Variants in TCERG1L observed in about 807,000 individuals in gnomAD.
TCERG1L encodes transcription elongation regulator 1 like, also known as transcription elongation regulator 1-like protein.
In TCERG1L, 37 loss-of-function variants were observed where a neutral mutation model predicts 56.3. The ratio of observed to expected loss-of-function variants is 0.66; its 90% confidence interval spans 0.51 to 0.87. The LOEUF (loss-of-function observed/expected upper bound fraction) is 0.87, where lower values mean the gene tolerates loss of function less well. Among genes scored for constraint, TCERG1L ranks in the 40% least tolerant of loss-of-function variants. The pLI is 0.00. For missense variants in TCERG1L, 799 were observed against 774.2 expected, an observed-to-expected ratio of 1.03 and a Z score of -0.38; for synonymous variants, 324 against 326.3, an observed-to-expected ratio of 0.99 and a Z score of 0.08.
At chr10:131,280,557 T>C (rs980786032) in intron 3 of TCERG1L, among the ~76,000 whole-genome samples, 21 of 152,090 alleles carry the variant, frequency 1.4e-4, no homozygotes, top group Admixed American at 1.4e-3. Flanking sequence ...TGAGTGGTGA[T>C]TTTGAATAGA....
chr10:131,118,959 T>C lies in TCERG1L; in HGVS notation c.1260-2025A>G, dbSNP rs1845486537. Among the ~76,000 whole-genome samples, 1 of 152,182 alleles carries C rather than the reference T, an allele frequency of 6.6e-6. No homozygotes were observed. The highest frequency in any genetic ancestry group is 1.5e-5 in the Non-Finnish European group (1 of 68,030). ...AGAGCCGGGATGCTGTGAAATGTCCTGCAATGCACAGGACAGCCCCCACCA... is the reference window on the plus strand; with the variant it reads ...AGAGCCGGGATGCTGTGAAATGTCCCGCAATGCACAGGACAGCCCCCACCA... On this transcript the variant is annotated intron_variant, in intron 8 of 11. Transcript: ENST00000368642. The surrounding 1 kb of genome is among the most constrained non-coding windows in gnomAD (Gnocchi z 4.2).
intron 4 of TCERG1L, among the ~76,000 whole-genome samples, chr10:131,247,348 G>A (rs575680503): frequency 1.3e-5 from 2 of 152,172 alleles, no homozygotes; most frequent in African/African-American, 4.8e-5. Context: ...TTATATCCTC[G>A]CCTTCCTTTC....
At chr10:131,198,251 A>G (rs1241549776) in intron 4 of TCERG1L, among the ~76,000 whole-genome samples, 2 of 152,248 alleles carry the variant, frequency 1.3e-5, no homozygotes, top group Non-Finnish European at 2.9e-5. Context: ...TCTGATAGAA[A>G]AGAACTCAAA....
At chr10:131,127,405 G>C (rs529830080) in intron 8 of TCERG1L, among the ~76,000 whole-genome samples, 28 of 152,298 alleles carry the variant, frequency 1.8e-4, no homozygotes, top group African/African-American at 6.3e-4. Context: ...GGCAGCCCCC[G>C]GGCCTCTGCG....
At chr10:131,125,722 T>C (rs896414450) in intron 8 of TCERG1L, among the ~76,000 whole-genome samples, 5 of 152,068 alleles carry the variant, frequency 3.3e-5, no homozygotes, top group Admixed American at 1.3e-4. Context: ...ACGTGGATGG[T>C]CAGGATTCAC....
At chr10:131,191,170 A>T (rs1382739204) in intron 4 of TCERG1L, among the ~76,000 whole-genome samples, 1 of 144,328 alleles carries the variant, frequency 6.9e-6, no homozygotes, top group Non-Finnish European at 1.5e-5. Context: ...AATATACTTC[A>T]TCCAGGAGGT....
At chr10:131,181,523 C>A (rs1036458101) in intron 4 of TCERG1L, among the ~76,000 whole-genome samples, 5 of 152,258 alleles carry the variant, frequency 3.3e-5, no homozygotes, top group African/African-American at 1.2e-4. Flanking sequence ...GACAGAGACG[C>A]TAAACATTCA....
Position 131,265,000 on chromosome 10 carries a change from G to A in TCERG1L, c.671-4556C>T, listed in dbSNP as rs560763124. 2.0e-5 allele frequency among the ~76,000 whole-genome samples: 3 copies of A among 152,236 alleles called. No individual in the cohort carries two copies. In the South Asian group the frequency reaches 6.2e-4, roughly 32 times the overall value. ...GTCCTCCGACTTCAGACTCTTGCCT[G>A]TCCCAGCCGAGCCCTTAATTAAGAA... is the stretch of plus-strand genomic sequence containing the variant. On this transcript the variant is annotated intron_variant, in intron 3 of 11. Coordinates refer to ENST00000368642, the MANE Select transcript of TCERG1L (RefSeq NM_174937.4).
chr10:131,251,876 C>T (rs1589762131), intron 4 of TCERG1L, among the ~76,000 whole-genome samples: 1 of 152,328 alleles, frequency 6.6e-6, no homozygotes, highest in East Asian at 1.9e-4. Context: ...TCACCACCAT[C>T]CACACTCCGA....
At chr10:131,230,229 G>C (rs911203445) in intron 4 of TCERG1L, among the ~76,000 whole-genome samples, 1 of 151,992 alleles carries the variant, frequency 6.6e-6, no homozygotes, top group Non-Finnish European at 1.5e-5. Context: ...TTCATTTTAC[G>C]AGGACAAGGC....
chr10:131,280,054 A>G (rs1296800407), intron 3 of TCERG1L, among the ~76,000 whole-genome samples: 3 of 152,224 alleles, frequency 2.0e-5, no homozygotes, highest in Non-Finnish European at 1.5e-5. Context: ...TTGAGGATGC[A>G]TGGCTGCGAC....
chr10:131,107,946 C>T (rs1192293092), intron 9 of TCERG1L, among the ~76,000 whole-genome samples: 2 of 140,872 alleles, frequency 1.4e-5, no homozygotes, highest in African/African-American at 5.5e-5. Context: ...CACACATGCA[C>T]ATGTGTGCCT....
chr10:131,142,210 C>T (rs2133411208), intron 7 of TCERG1L, among the ~76,000 whole-genome samples: 1 of 152,334 alleles, frequency 6.6e-6, no homozygotes, highest in Middle Eastern at 3.4e-3. Flanking sequence ...GAGCCTGGGG[C>T]AGGTGGGATC....
At chr10:131,278,073 C>A (rs1171167597) in intron 3 of TCERG1L, among the ~76,000 whole-genome samples, 4 of 151,974 alleles carry the variant, frequency 2.6e-5, no homozygotes, top group African/African-American at 7.2e-5. Flanking sequence ...GGCAGGGGCT[C>A]CCGGCTCCTG....
At chr10:131,154,759 G>A (rs1845901614) in intron 6 of TCERG1L, among the ~76,000 whole-genome samples, 1 of 152,166 alleles carries the variant, frequency 6.6e-6, no homozygotes, top group South Asian at 2.1e-4. Context: ...TCTGGCCATG[G>A]TTGCCACCAC....
chr10:131,133,880 T>C (rs1019689995), intron 8 of TCERG1L, among the ~76,000 whole-genome samples: 2 of 152,094 alleles, frequency 1.3e-5, no homozygotes, highest in Non-Finnish European at 2.9e-5. Flanking sequence ...GCAGGCATCA[T>C]CTCCTCCACC....
chr10:131,157,057 C>A lies in TCERG1L; in HGVS notation c.1034+6065G>T, dbSNP rs533097766. 2.4e-3 allele frequency among the ~76,000 whole-genome samples: 365 copies of A among 152,318 alleles called. 2 individuals carry two copies. In the South Asian group the frequency reaches 0.028, roughly 12 times the overall value. On this transcript the variant is annotated intron_variant, in intron 6 of 11. Transcript: ENST00000368642. Reference sequence around the variant, plus strand: ...GCCCCTGGCTTCTGGGCTAGGCACACCTACTAACATCAGAGGAATGCACCG... The same window carrying A: ...GCCCCTGGCTTCTGGGCTAGGCACAACTACTAACATCAGAGGAATGCACCG...
intron 9 of TCERG1L, among the ~76,000 whole-genome samples, chr10:131,106,136 G>A (rs1264379275): frequency 2.6e-5 from 4 of 152,228 alleles, no homozygotes; most frequent in Non-Finnish European, 5.9e-5. Flanking sequence ...GACAAAGCAA[G>A]GGAATGTTTA....
chr10:131,136,302 A>G (rs1298863373), intron 7 of TCERG1L, among the ~76,000 whole-genome samples: 1 of 152,134 alleles, frequency 6.6e-6, no homozygotes, highest in Non-Finnish European at 1.5e-5. Context: ...CTGCTTCCCA[A>G]GCTTCACTCG....
Sources: gnomAD v4.1 joint callset for allele counts (sites outside exome capture counted in the v4.1 genomes callset) on GRCh38, gnomAD v4.1.1 for gene constraint, Gnocchi (gnomAD v3.1) non-coding constraint, MANE v1.5 for transcripts, NCBI Gene and HGNC (gene_info 2026-07-23, HGNC 2026-07-21) for gene names.